The following NCAM1 variants were observed in gnomAD, a reference collection of about 807,000 sequenced individuals.
NCAM1 encodes the protein neural cell adhesion molecule 1, also known as antigen recognized by monoclonal antibody 5.1H11.
NCAM1 carries 14 observed loss-of-function variants against 109.8 expected under a neutral mutation model. The observed-to-expected ratio is 0.13, with a 90% CI of 0.08 to 0.20. The LOEUF (loss-of-function observed/expected upper bound fraction) is 0.20. NCAM1 is among the 10% of genes least tolerant of loss of function. The pLI is 1.00. For synonymous variants in NCAM1, 418 were observed against 442.9 expected (o/e 0.94, Z 0.70); for missense variants, 774 against 1,109.9 (o/e 0.70, Z 4.30).
At chr11:113,167,084 C>T (rs1046946870) in intron 1 of NCAM1, among the ~76,000 whole-genome samples, 55 of 152,178 alleles carry the variant, frequency 3.6e-4, no homozygotes, top group African/African-American at 1.2e-3. Flanking sequence ...GGATATGCCA[C>T]TCTCACTACA....
chr11:113,054,579 C>T (rs1555082247), intron 1 of NCAM1, among the ~76,000 whole-genome samples: 1 of 152,154 alleles, frequency 6.6e-6, no homozygotes. Context: ...AGAATTCTCT[C>T]CTTATTCCCC....
intron 1 of NCAM1, among the ~76,000 whole-genome samples, chr11:113,013,425 T>TAA (rs1952123170): frequency 4.7e-5 from 1 of 21,488 alleles, no homozygotes; most frequent in South Asian, 2.3e-3. Context: ...AGACTCTGTC[T>TAA]CAAAAAAAAA....
At chr11:113,000,817 CATATATATATATATAT>C (rs375984527) in intron 1 of NCAM1, among the ~76,000 whole-genome samples, 5 of 129,450 alleles carry the variant, frequency 3.9e-5, no homozygotes, top group African/African-American at 1.3e-4. Context: ...ATTATATATA[CATATATATATATATAT>C]ATATATATAT....
chr11:112,975,359 G>T (rs1315171667), intron 1 of NCAM1, among the ~76,000 whole-genome samples: 1 of 151,930 alleles, frequency 6.6e-6, no homozygotes, highest in Non-Finnish European at 1.5e-5. Context: ...AATAACTCCC[G>T]TATTCTATGT....
chr11:113,233,052 G>C lies in NCAM1; in HGVS notation c.1523-95G>C, dbSNP rs1555117594. The C allele has an allele frequency of 3.1e-6, 4 of 1,288,070 alleles. No individual in the cohort carries two copies. The highest frequency in any genetic ancestry group is 4.3e-6 in the Non-Finnish European group (4 of 925,426). 79.8% of individuals were successfully genotyped at this position (1,288,070 alleles called of 1,614,324 possible). On this transcript the variant is annotated intron_variant, in intron 12 of 19. Transcript: ENST00000316851. This position sits in a 1 kb window ranked among gnomAD's most constrained non-coding sequence, Gnocchi z 4.5. Reference sequence around the variant, plus strand: ...ATACAGTGACAGGATTCCCAAGAGTGAGCAGAAATGACAGAGATGTGCCTT... The same window carrying C: ...ATACAGTGACAGGATTCCCAAGAGTCAGCAGAAATGACAGAGATGTGCCTT...
At chr11:113,135,772 G>T (rs1941575216) in intron 1 of NCAM1, among the ~76,000 whole-genome samples, 1 of 152,196 alleles carries the variant, frequency 6.6e-6, no homozygotes, top group African/African-American at 2.4e-5. Context: ...CGATTAGACT[G>T]TTTGCTGAGA....
chr11:113,209,524 T>C (rs1591420475), intron 7 of NCAM1, among the ~76,000 whole-genome samples: 1 of 152,232 alleles, frequency 6.6e-6, no homozygotes, highest in Non-Finnish European at 1.5e-5. Flanking sequence ...CTTCATTTAA[T>C]AAATACGTAT....
chr11:113,252,798 G>GATTT (rs1565531031), intron 15 of NCAM1, among the ~76,000 whole-genome samples: 3 of 44,780 alleles, frequency 6.7e-5, no homozygotes, highest in Non-Finnish European at 1.6e-4. Flanking sequence ...ACTATGCCCA[G>GATTT]CTTTTTTTTT....
rs80143945 is a variant in NCAM1 at position 113,165,029 on chromosome 11, A to T, written c.53-37350A>T. ...TGTTGGCAACAGGGGTCAAAGACAA[A>T]ATATATGTTTCTAATTTTGTCACGA... On this transcript the variant is annotated intron_variant, in intron 1 of 19. Coordinates refer to ENST00000316851, the MANE Select transcript of NCAM1 (RefSeq NM_181351.5). Among the ~76,000 whole-genome samples the T allele has an allele frequency of 5.9e-3, 903 of 152,224 alleles. 9 individuals are homozygous for T. Among genetic ancestry groups the T allele is most frequent in the African/African-American group, 0.02 (830 of 41,532 alleles).
chr11:113,052,595 GA>G (rs1272854273), intron 1 of NCAM1, among the ~76,000 whole-genome samples: 1 of 152,160 alleles, frequency 6.6e-6, no homozygotes, highest in Non-Finnish European at 1.5e-5. Flanking sequence ...CTTGATGATG[GA>G]AGTAGTTTCT....
chr11:113,203,911 C>A (rs1555112353), intron 2 of NCAM1, among the ~76,000 whole-genome samples: 1 of 152,202 alleles, frequency 6.6e-6, no homozygotes, highest in African/African-American at 2.4e-5. Context: ...CGCCCGAATC[C>A]TAAATACACT....
At chr11:113,102,638 AT>A (rs781949307) in intron 1 of NCAM1, among the ~76,000 whole-genome samples, 9 of 152,154 alleles carry the variant, frequency 5.9e-5, no homozygotes, top group Non-Finnish European at 1.2e-4. Context: ...GGTATTTAAT[AT>A]TTACTTACTT....
At chr11:112,987,507 T>C (rs1951340717) in intron 1 of NCAM1, among the ~76,000 whole-genome samples, 4 of 152,178 alleles carry the variant, frequency 2.6e-5, no homozygotes, top group Admixed American at 1.3e-4. Flanking sequence ...TTATTATTAT[T>C]GTATTGCCTT....
chr11:113,214,688 C>A (rs2137023032), intron 8 of NCAM1, among the ~76,000 whole-genome samples, 177 bp downstream of exon 8: 1 of 152,304 alleles, frequency 6.6e-6, no homozygotes, highest in East Asian at 1.9e-4. Context: ...TCATCATCCC[C>A]TTGTAATGGA....
At chr11:113,188,867 A>G (rs1434785390) in intron 1 of NCAM1, among the ~76,000 whole-genome samples, 2 of 151,500 alleles carry the variant, frequency 1.3e-5, no homozygotes, top group Non-Finnish European at 2.9e-5. Context: ...GTGTGTATGT[A>G]TGTGGTTTCT....
chr11:113,135,862 G>A (rs1941578878), intron 1 of NCAM1, among the ~76,000 whole-genome samples: 1 of 152,176 alleles, frequency 6.6e-6, no homozygotes, highest in Non-Finnish European at 1.5e-5. Flanking sequence ...TATGGGTCTA[G>A]GGAGTACCTC....
intron 1 of NCAM1, among the ~76,000 whole-genome samples, chr11:113,027,169 T>C (rs1952571390): frequency 6.6e-6 from 1 of 152,232 alleles, no homozygotes; most frequent in African/African-American, 2.4e-5. Flanking sequence ...TGACAGCCTC[T>C]TTCACTGTTG....
At position 113,271,785 on chromosome 11, in the gene NCAM1, G is replaced by A. The variant is rs868908758; in HGVS notation, c.2365G>A (p.Val789Met). 26 of 1,562,300 alleles carry A rather than the reference G, an allele frequency of 1.7e-5. No homozygotes were observed. The highest frequency in any genetic ancestry group is 1.7e-4 in the Middle Eastern group (1 of 6,020). Residue 789 changes from valine to methionine, a missense_variant, in exon 19 of 20, where the codon GTG becomes ATG. By Grantham distance (21) the Val-to-Met change is conservative. This residue lies in a region of NCAM1 where 122 missense variants were observed against 129.7 expected (regional missense o/e 0.94). Transcript: ENST00000316851. ...GAAAGATGAGTCCAAGGAGCCCATC[G>A]TGGAGGTTCGAACGGAGGAGGAGAG... ...FSKDESKEPI[V>M]EVRTEEERTP...
chr11:113,237,521 C>T (rs534918298), intron 14 of NCAM1, among the ~76,000 whole-genome samples: 9 of 152,152 alleles, frequency 5.9e-5, no homozygotes, highest in South Asian at 2.1e-4. Context: ...GCCTTCAGGC[C>T]GGACTGACAG....
Sources: gnomAD v4.1 joint callset for allele counts (sites outside exome capture counted in the v4.1 genomes callset) on GRCh38, gnomAD v4.1.1 for gene constraint, gnomAD v4.1.1 regional missense constraint, Gnocchi (gnomAD v3.1) non-coding constraint, MANE v1.5 for transcripts, NCBI Gene and HGNC (gene_info 2026-07-23, HGNC 2026-07-21) for gene names.